The following ZNF880 variants were observed in gnomAD, a reference collection of about 807,000 sequenced individuals.
ZNF880 encodes the protein zinc finger protein LOC400713.
ZNF880 carries 12 observed loss-of-function variants against 11.8 expected under a neutral mutation model. The ratio of observed to expected loss-of-function variants is 1.02; its 90% CI spans 0.65 to 1.65. The LOEUF (loss-of-function observed/expected upper bound fraction) is 1.65, where lower values mean the gene tolerates loss of function less well. Among genes scored for constraint, ZNF880 ranks in the 40% most tolerant of loss-of-function variants. ZNF880 has a pLI of 0.00. For missense variants in ZNF880, 601 were observed against 673.9 expected (o/e 0.89, Z 1.20); for synonymous variants, 210 against 232.4 (o/e 0.90, Z 0.88).
chr19:52,394,471 G>A, the ZNF880 span, among the ~76,000 whole-genome samples: 1 of 152,060 alleles, frequency 6.6e-6, no homozygotes, highest in Non-Finnish European at 1.5e-5. Flanking sequence ...CTGAGCTTGA[G>A]TGATCTGCCT....
downstream of ZNF880, chr19:52,390,227 C>T (rs324123): frequency 6.2e-3 from 1,513 of 245,018 alleles, 28 homozygotes; most frequent in African/African-American, 0.033. Context: ...TGCACTGGCC[C>T]GCACCTTTTT....
Position 52,385,088 on chromosome 19 carries a change from A to G in ZNF880, c.1508A>G (p.His503Arg), listed in dbSNP as rs1222860902. ...AGTGAATGTCACAAAGTCTTTAGTC[A>G]CAATTCACACCTTGCACGACATAGG... ...KCSECHKVFSHNSHLARHRQI... is the reference protein window; with the variant it reads ...KCSECHKVFSRNSHLARHRQI... Residue 503 changes from histidine to arginine, a missense_variant, in exon 4 of 4, where the codon CAC becomes CGC. Transcript: ENST00000422689. 12 of 1,555,374 alleles carry G rather than the reference A, an allele frequency of 7.7e-6. No individual in the cohort carries two copies. The highest frequency in any genetic ancestry group is 1.7e-4 in the Middle Eastern group (1 of 6,006).
At chr19:52,392,519 T>G in the ZNF880 span, 2 of 154,770 alleles carry the variant, frequency 1.3e-5, no homozygotes, top group Non-Finnish European at 2.9e-5. Flanking sequence ...CAGGCTGGTC[T>G]CGAACTCCTG....
At chr19:52,372,533 C>A (rs1398960777) in intron 1 of ZNF880, among the ~76,000 whole-genome samples, 1 of 150,748 alleles carries the variant, frequency 6.6e-6, no homozygotes, top group African/African-American at 2.4e-5. Flanking sequence ...CATGATCCAC[C>A]CGCCTTGGCC....
At chr19:52,366,890 T>G, upstream of ZNF880, 1 of 698,438 alleles carries the variant, frequency 1.4e-6, no homozygotes, top group Non-Finnish European at 2.4e-6. Context: ...TCATCACTCA[T>G]CTCTTGATCC....
At chr19:52,388,281 A>ATTTTTTTTTTTTTTTTT (rs1298446341), downstream of ZNF880, among the ~76,000 whole-genome samples, 1 of 38,892 alleles carries the variant, frequency 2.6e-5, no homozygotes, top group African/African-American at 1.8e-4. Context: ...GGCAATTTGA[A>ATTTTTTTTTTTTTTTTT]CTTTTTTTTT....
chr19:52,395,604 T>C, the ZNF880 span: 1 of 152,200 alleles, frequency 6.6e-6, no homozygotes, highest in South Asian at 2.1e-4. Context: ...ATACCTGGGA[T>C]TCATGCATTC....
At chr19:52,374,817 C>T (rs899468745) in intron 3 of ZNF880, 1 of 432,498 alleles carries the variant, frequency 2.3e-6, no homozygotes, top group South Asian at 2.6e-5. Flanking sequence ...GCCCGTGTAC[C>T]CTCAGTCTTT....
intron 3 of ZNF880, chr19:52,380,163 G>C (rs147820259): frequency 0.036 from 5,520 of 152,138 alleles, 145 homozygotes; most frequent in Non-Finnish European, 0.055. Flanking sequence ...GCCTCCCAAA[G>C]TGCTGGGATT....
rs1331507589 is a variant in ZNF880 at position 52,385,332 on chromosome 19, C to CT, written c.*21dup. 5.2e-6 allele frequency: 8 copies of CT among 1,547,122 alleles called. No homozygotes were observed. Among genetic ancestry groups the CT allele is most frequent in the Non-Finnish European group, 7.0e-6 (8 of 1,143,436 alleles). On this transcript the variant is annotated 3_prime_UTR_variant, in exon 4 of 4. Coordinates refer to ENST00000422689, the MANE Select transcript of ZNF880 (RefSeq NM_001145434.2). ...ACAGATGAAATGTGTGTGGTAAGAT[C>CT]TTTAGTAATAATTCACACCTTGCAC...
At chr19:52,382,066 G>A (rs181850964) in intron 3 of ZNF880, among the ~76,000 whole-genome samples, 3 of 152,210 alleles carry the variant, frequency 2.0e-5, no homozygotes, top group African/African-American at 4.8e-5. Flanking sequence ...CTGAGGTCAG[G>A]AGTTTGAGAC....
chr19:52,387,821 T>C (rs544233909), downstream of ZNF880, among the ~76,000 whole-genome samples: 7 of 138,618 alleles, frequency 5.0e-5, no homozygotes, highest in Non-Finnish European at 6.1e-5. Context: ...TTTTTTTTCC[T>C]AGTAGTGCAT....
Position 52,384,546 on chromosome 19 carries a change from A to G in ZNF880, c.966A>G (p.Lys322=), listed in dbSNP as rs539543418. ...ARHQKIHSGE[K]PYKCKECGKA... Reference sequence around the variant, plus strand: ...ATCAGAAAATTCATAGTGGAGAGAAACCTTACAAATGTAAGGAATGTGGCA... The same window carrying G: ...ATCAGAAAATTCATAGTGGAGAGAAGCCTTACAAATGTAAGGAATGTGGCA... Residue 322 remains lysine, a synonymous_variant, in exon 4 of 4, where the codon AAA becomes AAG. Coordinates refer to ENST00000422689, the MANE Select transcript of ZNF880 (RefSeq NM_001145434.2). 32 of 1,613,978 alleles carry G rather than the reference A, an allele frequency of 2.0e-5. No homozygotes were observed. In the African/African-American group the frequency reaches 3.3e-4, roughly 17 times the overall value.
intron 2 of ZNF880, among the ~76,000 whole-genome samples, chr19:52,373,722 G>A (rs1462902103): frequency 7.3e-6 from 1 of 137,254 alleles, no homozygotes; most frequent in African/African-American, 2.8e-5. Flanking sequence ...TTGCCAGGCT[G>A]GAGTGCAGTG....
rs578004715 is a variant in ZNF880 at position 52,372,448 on chromosome 19, T to C, written c.13-663T>C. Among the ~76,000 whole-genome samples, 56 of 149,030 alleles carry C rather than the reference T, an allele frequency of 3.8e-4. No homozygotes were observed. The East Asian group carries it at 0.01, about 27-fold the overall frequency. ...GACTACAGGCGCCCGCCACTACGCC[T>C]GGCTAATTTTTTTGTATTTTTAGTA... is the stretch of plus-strand genomic sequence containing the variant. On this transcript the variant is annotated intron_variant, in intron 1 of 3. Coordinates refer to ENST00000422689, the MANE Select transcript of ZNF880 (RefSeq NM_001145434.2).
upstream of ZNF880, chr19:52,369,830 AACGAG>A (rs1272856242): frequency 3.4e-6 from 4 of 1,171,544 alleles, no homozygotes; most frequent in Non-Finnish European, 5.0e-6. Flanking sequence ...TAGCCTCCAA[AACGAG>A]ACGAGCTGGG....
chr19:52,379,539 GCGTGAGC>G (rs1324929597), intron 3 of ZNF880: 10 of 417,228 alleles, frequency 2.4e-5, no homozygotes, highest in Non-Finnish European at 4.7e-5. Context: ...AGGATTACAG[GCGTGAGC>G]CTCCGCGCCT....
downstream of ZNF880, chr19:52,390,322 G>A (rs916348958): frequency 2.5e-5 from 10 of 402,084 alleles, no homozygotes; most frequent in East Asian, 6.0e-4. Context: ...GCGCAGCGAC[G>A]CAGCCCCAGT....
intron 3 of ZNF880, chr19:52,374,690 TG>T (rs762528793): frequency 8.7e-5 from 54 of 621,422 alleles, no homozygotes; most frequent in Non-Finnish European, 1.4e-4. Flanking sequence ...GAGAATTCTT[TG>T]GGAAAATAAA....
Sources: allele counts gnomAD v4.1 joint callset (sites outside exome capture counted in the v4.1 genomes callset), GRCh38; gene constraint gnomAD v4.1.1; transcripts MANE v1.5; gene names NCBI Gene and HGNC (gene_info 2026-07-23, HGNC 2026-07-21).